The following SHISA9 variants were observed in gnomAD, a reference collection of about 807,000 sequenced individuals.
SHISA9 encodes the protein shisa family member 9, also known as protein shisa-9.
SHISA9 carries 13 observed loss-of-function variants against 38.0 expected under a neutral mutation model. The ratio of observed to expected loss-of-function variants is 0.34; its 90% CI spans 0.22 to 0.54. The LOEUF (loss-of-function observed/expected upper bound fraction) is 0.54. Among genes scored for constraint, SHISA9 ranks in the 20% least tolerant of loss-of-function variants. SHISA9 has a pLI of 0.91. For missense variants in SHISA9, 538 were observed against 575.8 expected, an observed-to-expected ratio of 0.93 and a Z score of 0.67; for synonymous variants, 275 against 242.0, an observed-to-expected ratio of 1.14 and a Z score of -1.27.
At chr16:13,170,354 T>C (rs2050675382) in intron 2 of SHISA9, among the ~76,000 whole-genome samples, 2 of 152,210 alleles carry the variant, frequency 1.3e-5, no homozygotes, top group Admixed American at 6.5e-5. Flanking sequence ...ACAAGATCCC[T>C]GAACTCAGGG....
At chr16:13,203,639 C>A in intron 3 of SHISA9, 90 bp downstream of exon 3, 3 of 1,310,654 alleles carry the variant, frequency 2.3e-6, no homozygotes, top group South Asian at 3.9e-5. Flanking sequence ...AGTTTTCTTT[C>A]CTAATTCCTT....
chr16:13,002,687 C>T lies in SHISA9; in HGVS notation c.691+85872C>T, dbSNP rs138170463. 4.5e-4 allele frequency among the ~76,000 whole-genome samples: 68 copies of T among 151,948 alleles called. No homozygotes were observed. In the East Asian group the frequency reaches 0.01, roughly 23 times the overall value. ...AGCTGGGATTACAGATGCGCACCAC[C>T]GCACTGGGCTAATTTTTGTATTTTT... is the stretch of plus-strand genomic sequence containing the variant. On this transcript the variant is annotated intron_variant, in intron 2 of 4. Coordinates refer to ENST00000558583, the MANE Select transcript of SHISA9 (RefSeq NM_001145204.3).
At chr16:13,033,945 C>T (rs1220699112) in intron 2 of SHISA9, among the ~76,000 whole-genome samples, 1 of 152,090 alleles carries the variant, frequency 6.6e-6, no homozygotes, top group Admixed American at 6.5e-5. Flanking sequence ...CAGGAGTTTG[C>T]GACCAGCCTA....
At position 13,005,290 on chromosome 16, in the gene SHISA9, T is replaced by G. The variant is rs1320027273; in HGVS notation, c.691+88475T>G. 3.3e-5 allele frequency among the ~76,000 whole-genome samples: 5 copies of G among 152,088 alleles called. No individual in the cohort carries two copies. The South Asian group carries it at 1.0e-3, about 32-fold the overall frequency. ...GAGAGATTACTCCTGGAGATTTAAA[T>G]TTGAGACTTTTGGAGGGTGATAAGA... On this transcript the variant is annotated intron_variant, in intron 2 of 4. Coordinates refer to ENST00000558583, the MANE Select transcript of SHISA9 (RefSeq NM_001145204.3).
chr16:12,956,991 T>G (rs1007387380), intron 2 of SHISA9, among the ~76,000 whole-genome samples: 2 of 152,202 alleles, frequency 1.3e-5, no homozygotes, highest in Non-Finnish European at 2.9e-5. Flanking sequence ...TTAGATAAAC[T>G]GAAAGAATAA....
intron 2 of SHISA9, among the ~76,000 whole-genome samples, chr16:12,972,794 G>T (rs2072101916): frequency 6.6e-6 from 1 of 152,130 alleles, no homozygotes; most frequent in Admixed American, 6.6e-5. Flanking sequence ...TGCAGTGGAT[G>T]GTAAGATTGG....
chr16:13,359,247 A>G, the SHISA9 span, among the ~76,000 whole-genome samples: 1 of 152,120 alleles, frequency 6.6e-6, no homozygotes, highest in African/African-American at 2.4e-5. Flanking sequence ...GGGGAGGTCA[A>G]GGCGGGGTGG....
intron 1 of SHISA9, among the ~76,000 whole-genome samples, chr16:12,905,893 G>A (rs970384987): frequency 1.3e-5 from 2 of 152,222 alleles, no homozygotes; most frequent in Admixed American, 1.3e-4. Flanking sequence ...GAGCCACTGT[G>A]CCTGACCGTA....
intron 2 of SHISA9, among the ~76,000 whole-genome samples, chr16:12,979,123 G>A (rs1012569337): frequency 6.6e-6 from 1 of 152,108 alleles, no homozygotes; most frequent in Non-Finnish European, 1.5e-5. Flanking sequence ...CCCTCTCCTT[G>A]ATTGTTCCCA....
At chr16:13,364,552 C>A in the SHISA9 span, among the ~76,000 whole-genome samples, 4 of 152,100 alleles carry the variant, frequency 2.6e-5, no homozygotes, top group South Asian at 6.2e-4. Flanking sequence ...ACCATATAGA[C>A]AATATTAAAC....
At chr16:13,223,988 T>G (rs1338495357) in intron 4 of SHISA9, among the ~76,000 whole-genome samples, 1 of 152,220 alleles carries the variant, frequency 6.6e-6, no homozygotes, top group Non-Finnish European at 1.5e-5. Context: ...CTCCATTTGT[T>G]GGATAAACAG....
the SHISA9 span, among the ~76,000 whole-genome samples, chr16:13,318,479 AC>A: frequency 1.3e-5 from 2 of 152,054 alleles, no homozygotes; most frequent in East Asian, 3.9e-4. Context: ...GGTGTGTGCC[AC>A]CCCTCCCATC....
intron 2 of SHISA9, among the ~76,000 whole-genome samples, chr16:12,930,305 T>A (rs1237935683): frequency 3.3e-5 from 5 of 152,246 alleles, no homozygotes. Flanking sequence ...TGGGATCTTA[T>A]TTCTTGTGGA....
chr16:13,179,244 G>A (rs748219475), intron 2 of SHISA9, among the ~76,000 whole-genome samples: 20 of 152,116 alleles, frequency 1.3e-4, no homozygotes, highest in Non-Finnish European at 2.5e-4. Flanking sequence ...ACCAGGAGGC[G>A]GAGGTTGCAG....
At chr16:13,069,400 C>T (rs1159443013) in intron 2 of SHISA9, among the ~76,000 whole-genome samples, 1 of 151,422 alleles carries the variant, frequency 6.6e-6, no homozygotes. Context: ...TATGTGTGTA[C>T]ATACAATGTG....
At chr16:13,139,140 T>A (rs1193917069) in intron 2 of SHISA9, among the ~76,000 whole-genome samples, 2 of 152,334 alleles carry the variant, frequency 1.3e-5, no homozygotes, top group East Asian at 3.9e-4. Flanking sequence ...GGTTGGGTTT[T>A]ATTTGTAATT....
downstream of SHISA9, among the ~76,000 whole-genome samples, chr16:13,241,428 C>T (rs2051434486): frequency 6.6e-6 from 1 of 152,130 alleles, no homozygotes; most frequent in South Asian, 2.1e-4. Flanking sequence ...ATCGCTTTAA[C>T]TTGGGAGGCG....
chr16:13,344,966 G>A, the SHISA9 span, among the ~76,000 whole-genome samples: 3 of 152,132 alleles, frequency 2.0e-5, no homozygotes, highest in Non-Finnish European at 2.9e-5. Context: ...CCAAGGGCCT[G>A]CAACATTCCC....
chr16:13,312,487 G>T, the SHISA9 span, among the ~76,000 whole-genome samples: 176 of 152,246 alleles, frequency 1.2e-3, no homozygotes, highest in African/African-American at 4.2e-3. Context: ...AATATGCTAA[G>T]AGCCTTAAAA....
Sources: allele counts gnomAD v4.1 joint callset (sites outside exome capture counted in the v4.1 genomes callset), GRCh38; gene constraint gnomAD v4.1.1; transcripts MANE v1.5; gene names NCBI Gene and HGNC (gene_info 2026-07-23, HGNC 2026-07-21).